PSD4: variants seen among roughly 807,000 people sequenced by gnomAD.
PSD4 encodes the protein PH and SEC7 domain-containing protein 4.
A neutral mutation model predicts 112.5 loss-of-function variants in PSD4; 59 were observed. The observed-to-expected ratio is 0.52, with a 90% confidence interval of 0.43 to 0.65. The LOEUF (loss-of-function observed/expected upper bound fraction) is 0.65, where lower values mean the gene tolerates loss of function less well. Ranked by LOEUF, PSD4 falls within the 30% of genes least tolerant of loss-of-function variation. PSD4 has a pLI of 0.00. For synonymous variants in PSD4, 533 were observed against 540.0 expected, an observed-to-expected ratio of 0.99 and a Z score of 0.18; for missense variants, 1,267 against 1,352.6, an observed-to-expected ratio of 0.94 and a Z score of 0.99.
chr2:113,185,158 A>G (rs1443805840), intron 3 of PSD4, 85 bp downstream of exon 3: 8 of 1,597,486 alleles, frequency 5.0e-6, no homozygotes, highest in African/African-American at 2.7e-5. Context: ...GCCTAGCACC[A>G]ACAATCCTAG....
At chr2:113,195,078 G>A (rs1432638534) in intron 10 of PSD4, among the ~76,000 whole-genome samples, 1 of 152,128 alleles carries the variant, frequency 6.6e-6, no homozygotes, top group Non-Finnish European at 1.5e-5. Context: ...AGAATGCCAT[G>A]TAGGTAATTC....
Position 113,201,220 on chromosome 2 carries a change from T to C in PSD4, c.2976T>C (p.Ala992=). 6.2e-7 allele frequency: 1 copy of C among 1,614,070 alleles called. No homozygotes were observed. The highest frequency in any genetic ancestry group is 8.5e-7 in the Non-Finnish European group (1 of 1,180,032). Residue 992 remains alanine, a synonymous_variant, in exon 17 of 17, where the codon GCT becomes GCC. Coordinates refer to ENST00000245796, the MANE Select transcript of PSD4 (RefSeq NM_012455.3). ...LVARLHCPSD[A]LDLWEEQLGR... Reference sequence around the variant, plus strand: ...CCCGCCTGCACTGCCCCTCTGATGCTCTGGACCTGTGGGAGGAGCAGCTGG... The same window carrying C: ...CCCGCCTGCACTGCCCCTCTGATGCCCTGGACCTGTGGGAGGAGCAGCTGG...
In PSD4 at chr2:113,197,774, G is replaced by A. The variant is rs1039473124; in HGVS notation, c.2485G>A (p.Glu829Lys). 6.2e-7 allele frequency: 1 copy of A among 1,610,612 alleles called. No individual in the cohort carries two copies. The highest frequency in any genetic ancestry group is 1.1e-5 in the South Asian group (1 of 90,976). ...GGGAGAAGACCACTGTCTGGAGGGGGAGAGCTTGGTGGGGCAGATGGTGGA... is the reference window on the plus strand; with the variant it reads ...GGGAGAAGACCACTGTCTGGAGGGGAAGAGCTTGGTGGGGCAGATGGTGGA... ...KQGEDHCLEG[E>K]SLVGQMVDEP... Residue 829 changes from glutamate to lysine, a missense_variant, in exon 14 of 17, where the codon GAG becomes AAG. Coordinates refer to ENST00000245796, the MANE Select transcript of PSD4 (RefSeq NM_012455.3).
intron 9 of PSD4, 45 bp downstream of exon 9, chr2:113,193,695 AGGGGTGC>A (rs1160249408): frequency 6.3e-7 from 1 of 1,593,042 alleles, no homozygotes; most frequent in Non-Finnish European, 8.6e-7. Flanking sequence ...GGCTGTAACA[AGGGGTGC>A]GGGGAGGAGA....
intron 5 of PSD4, among the ~76,000 whole-genome samples, chr2:113,188,785 G>T (rs566877615): frequency 5.9e-4 from 90 of 151,956 alleles, no homozygotes; most frequent in African/African-American, 2.1e-3. Flanking sequence ...TTTCCCCGTG[G>T]TCTTGATCTC....
Position 113,199,216 on chromosome 2 carries a change from T to G in PSD4, c.2903T>G (p.Leu968Arg). 6.6e-7 allele frequency: 1 copy of G among 1,506,742 alleles called. No individual in the cohort carries two copies. Among genetic ancestry groups the G allele is most frequent in the East Asian group, 2.7e-5 (1 of 36,576 alleles). 93.3% of individuals were successfully genotyped at this position (1,506,742 alleles called of 1,614,324 possible). ...GAGCACCGCCTGCGGAAGGAGTACCTGGAGTACGAGGTGAGCGGCCGAGCC... is the reference window on the plus strand; with the variant it reads ...GAGCACCGCCTGCGGAAGGAGTACCGGGAGTACGAGGTGAGCGGCCGAGCC... ...LEEHRLRKEY[L>R]EYEKTRYETY... Residue 968 changes from leucine to arginine, a missense_variant, in exon 16 of 17, where the codon CTG becomes CGG. Coordinates refer to ENST00000245796, the MANE Select transcript of PSD4 (RefSeq NM_012455.3).
chr2:113,196,065 TG>T, intron 11 of PSD4, 81 bp from the exon 12 acceptor site: 1 of 1,508,486 alleles, frequency 6.6e-7, no homozygotes, highest in South Asian at 1.2e-5. Context: ...AAAGAGAGGT[TG>T]CTAAGGCTCT....
intron 14 of PSD4, 91 bp from the exon 15 acceptor site, chr2:113,198,649 C>T: frequency 1.4e-6 from 2 of 1,420,160 alleles, no homozygotes; most frequent in Non-Finnish European, 1.9e-6. Context: ...GAGCAGCTGG[C>T]CAGCTGTGCA....
chr2:113,201,492 T>G lies in PSD4; in HGVS notation c.*77T>G. ...TGAACCTCCCTGGAGGAGACTTATT[T>G]CAATGAGTCCACCATGACGGATGAG... is the stretch of plus-strand genomic sequence containing the variant. On this transcript the variant is annotated 3_prime_UTR_variant, in exon 17 of 17. Transcript: ENST00000245796. The G allele has an allele frequency of 1.3e-6, 2 of 1,547,236 alleles. No homozygotes were observed. Among genetic ancestry groups the G allele is most frequent in the Non-Finnish European group, 1.8e-6 (2 of 1,139,118 alleles).
At chr2:113,188,839 A>G (rs1366965691) in intron 5 of PSD4, among the ~76,000 whole-genome samples, 1 of 152,200 alleles carries the variant, frequency 6.6e-6, no homozygotes, top group Non-Finnish European at 1.5e-5. Flanking sequence ...AAGTGCTGGG[A>G]TTATAGGCGT....
At chr2:113,195,653 C>T in intron 10 of PSD4, 74 bp from the exon 11 acceptor site, 1 of 1,569,808 alleles carries the variant, frequency 6.4e-7, no homozygotes, top group Admixed American at 1.7e-5. Context: ...CCCTATCCTA[C>T]CTCTGCCAGA....
In PSD4 at chr2:113,186,076, G is replaced by T; in HGVS notation, c.1449G>T (p.Trp483Cys). The T allele has an allele frequency of 1.2e-6, 2 of 1,614,246 alleles. No individual in the cohort carries two copies. Among genetic ancestry groups the T allele is most frequent in the Non-Finnish European group, 1.7e-6 (2 of 1,180,044 alleles). ...ACAGCTCAGGCATTTTGCCCAAGTG[G>T]ACACTAGATGCTTCACAGTCTTCAC... ...QHHSSGILPK[W>C]TLDASQSSLL... The change falls in exon 5 of 17, where the codon TGG (tryptophan) becomes TGT (cysteine). Residue 483 changes from tryptophan (W) to cysteine (C), a missense_variant. Coordinates refer to ENST00000245796, the MANE Select transcript of PSD4 (RefSeq NM_012455.3).
Position 113,201,536 on chromosome 2 carries a change from G to T in PSD4, c.*121G>T. 1 of 1,360,182 alleles carries T rather than the reference G, an allele frequency of 7.4e-7. No individual in the cohort carries two copies. The highest frequency in any genetic ancestry group is 1.4e-5 in the African/African-American group (1 of 69,368). The allele number at this position is 1,360,182 out of a possible 1,614,324, so 84.3% of individuals were successfully genotyped here. On this transcript the variant is annotated 3_prime_UTR_variant, in exon 17 of 17. Coordinates refer to ENST00000245796, the MANE Select transcript of PSD4 (RefSeq NM_012455.3). Reference sequence around the variant, plus strand: ...GGATGAGGCACCTCCTTTCCCTGCTGAAGGACAAACCTTGTTTCCCTGTGG... The same window carrying T: ...GGATGAGGCACCTCCTTTCCCTGCTTAAGGACAAACCTTGTTTCCCTGTGG...
At chr2:113,196,367 T>A in intron 12 of PSD4, 60 bp downstream of exon 12, 1 of 1,552,804 alleles carries the variant, frequency 6.4e-7, no homozygotes, top group Non-Finnish European at 8.7e-7. Flanking sequence ...CTCAGGGACC[T>A]GTGCCGATGC....
chr2:113,197,332 G>A (rs1688639546), intron 12 of PSD4: 5 of 588,854 alleles, frequency 8.5e-6, no homozygotes, highest in Admixed American at 2.7e-5. Context: ...GGATGTGAGT[G>A]GTTCTATGGT....
At chr2:113,197,471 G>A in intron 12 of PSD4, 93 bp from the exon 13 acceptor site, 1 of 1,344,278 alleles carries the variant, frequency 7.4e-7, no homozygotes, top group Non-Finnish European at 1.1e-6. Flanking sequence ...GGTGGTGTGA[G>A]GGACAGGGGG....
Position 113,182,653 on chromosome 2 carries a change from G to A in PSD4, c.197G>A (p.Trp66Ter). Residue 66 changes from tryptophan (W) to a stop codon, truncating the protein, a stop_gained, in exon 2 of 17, where the codon TGG becomes TAG. Transcript: ENST00000245796. LOFTEE classifies it high-confidence loss of function. ...PEPTRQNVPP[W>*]GSGVELTHLG... ...CCTACCAGACAAAATGTTCCTCCCT[G>A]GGGCTCCGGTGTGGAGCTCACACAC... 6.2e-7 allele frequency: 1 copy of A among 1,613,832 alleles called. No individual in the cohort carries two copies. Among genetic ancestry groups the A allele is most frequent in the South Asian group, 1.1e-5 (1 of 91,036 alleles).
rs750170896 is a variant in PSD4, at chr2:113,185,796, G to C, written c.1250-81G>C. 3 of 1,554,528 alleles carry C rather than the reference G, an allele frequency of 1.9e-6. 1 individual carries two copies. The highest frequency in any genetic ancestry group is 2.6e-6 in the Non-Finnish European group (3 of 1,149,012). ...CCAGGCTCCAGGGGAGGAGCCCCAG[G>C]GAGGGAGCCTCTGGAGGTGGTGCCC... On this transcript the variant is annotated intron_variant, in intron 4 of 16. Coordinates refer to ENST00000245796, the MANE Select transcript of PSD4 (RefSeq NM_012455.3).
chr2:113,192,463 G>A lies in PSD4; in HGVS notation c.1712G>A (p.Arg571Lys), dbSNP rs766471985. Residue 571 changes from arginine (R) to lysine (K), a missense_variant, in exon 6 of 17, where the codon AGA becomes AAA. Arg to Lys is a conservative substitution (Grantham distance 26). Around this residue, in one of 2 missense-constraint regions of PSD4, gnomAD observed 544 missense variants for 648.6 expected, o/e 0.84. Coordinates refer to ENST00000245796, the MANE Select transcript of PSD4 (RefSeq NM_012455.3). Reference protein sequence around the residue: ...PQAQSPEEGQRPPAGDKLANG... With the variant: ...PQAQSPEEGQKPPAGDKLANG... ...GCACAGTCCCCAGAGGAAGGCCAGAGACCACCAGCTGGAGACAAGCTAGCT... is the reference window on the plus strand; with the variant it reads ...GCACAGTCCCCAGAGGAAGGCCAGAAACCACCAGCTGGAGACAAGCTAGCT... 14 of 1,614,120 alleles carry A rather than the reference G, an allele frequency of 8.7e-6. No individual in the cohort carries two copies. In the Admixed American group the frequency reaches 1.0e-4, roughly 12 times the overall value.
Sources: gnomAD v4.1 joint callset for allele counts (sites outside exome capture counted in the v4.1 genomes callset) on GRCh38, gnomAD v4.1.1 for gene constraint, gnomAD v4.1.1 regional missense constraint, MANE v1.5 for transcripts, NCBI Gene and HGNC (gene_info 2026-07-23, HGNC 2026-07-21) for gene names.